GLIS3: variants seen among roughly 807,000 people sequenced by gnomAD.
GLIS3 encodes the protein GLIS family zinc finger 3.
GLIS3 carries 53 observed loss-of-function variants against 78.6 expected under a neutral mutation model. The observed-to-expected ratio is 0.67, with a 90% confidence interval of 0.54 to 0.85. GLIS3 has a LOEUF of 0.85. GLIS3 is among the 40% of genes least tolerant of loss of function. The probability of loss-of-function intolerance (pLI) is 0.00; values close to 1 mark genes in which losing one functional copy is unlikely to be tolerated. For synonymous variants in GLIS3, 684 were observed against 509.9 expected, an observed-to-expected ratio of 1.34 and a Z score of -4.60; for missense variants, 1,703 against 1,231.1, an observed-to-expected ratio of 1.38 and a Z score of -5.74.
At chr9:4,461,838 A>G in the GLIS3 span, among the ~76,000 whole-genome samples, 1 of 151,972 alleles carries the variant, frequency 6.6e-6, no homozygotes, top group African/African-American at 2.4e-5. Context: ...AGCATGAACA[A>G]GAGATAAAAG....
chr9:3,888,982 T>C (rs983256876), intron 7 of GLIS3, among the ~76,000 whole-genome samples: 2 of 152,196 alleles, frequency 1.3e-5, no homozygotes, highest in Non-Finnish European at 2.9e-5. Flanking sequence ...GTCCCTAAAG[T>C]TCAATATTTC....
chr9:3,967,237 C>T (rs758952864), intron 4 of GLIS3, among the ~76,000 whole-genome samples: 3 of 152,154 alleles, frequency 2.0e-5, no homozygotes, highest in Non-Finnish European at 2.9e-5. Context: ...GGCGTGGTGG[C>T]CCATGCCTGT....
Position 4,125,633 on chromosome 9 carries a change from A to T in GLIS3, c.596+101T>A, listed in dbSNP as rs376396966. The stretch of plus-strand genomic sequence containing the variant: ...AGTTGCTTGAGTGTGTAAGTGTATG[A>T]GTGTGTGTGTGTGTGTGTGTGTATT... On this transcript the variant is annotated intron_variant, in intron 3 of 10. Transcript: ENST00000381971. The T allele has an allele frequency of 4.5e-3, 3,462 of 772,104 alleles. 7 individuals carry two copies. The highest frequency in any genetic ancestry group is 0.013 in the African/African-American group (756 of 58,468). 47.8% of individuals were successfully genotyped at this position (772,104 alleles called of 1,614,324 possible).
chr9:4,236,184 C>CA lies in GLIS3; in HGVS notation c.388+49853dup, dbSNP rs59839951. ...CTAGGAAAACTTGACGTGGTTGTCA[C>CA]AAAAAAAAAAAAAAAAAAAAAAAGA... On this transcript the variant is annotated intron_variant, in intron 2 of 10. Transcript: ENST00000381971. Among the ~76,000 whole-genome samples, 470 of 84,300 alleles carry CA rather than the reference C, an allele frequency of 5.6e-3. 11 individuals are homozygous for CA. The highest frequency in any genetic ancestry group is 0.016 in the Middle Eastern group (2 of 128). 55.3% of individuals were successfully genotyped at this position (84,300 alleles called of 152,430 possible). A position where few individuals can be genotyped will look rare whatever the true frequency, so the allele number is the denominator to read the frequency against.
At chr9:3,895,867 C>T (rs953552697) in intron 7 of GLIS3, among the ~76,000 whole-genome samples, 1 of 152,202 alleles carries the variant, frequency 6.6e-6, no homozygotes, top group Admixed American at 6.5e-5. Flanking sequence ...TTAACTGCCT[C>T]CTATTCTATG....
At chr9:3,922,229 T>C (rs1824938613) in intron 6 of GLIS3, among the ~76,000 whole-genome samples, 3 of 152,264 alleles carry the variant, frequency 2.0e-5, no homozygotes, top group East Asian at 1.9e-4. Context: ...ATTAAAAATA[T>C]AGTTACTGTC....
At chr9:4,191,108 G>C (rs1303646376) in intron 2 of GLIS3, among the ~76,000 whole-genome samples, 1 of 150,734 alleles carries the variant, frequency 6.6e-6, no homozygotes, top group African/African-American at 2.4e-5. Context: ...ATCGAGACTA[G>C]GAAGAAACTG....
chr9:3,875,227 G>A (rs1011004438), intron 8 of GLIS3, among the ~76,000 whole-genome samples: 2 of 152,194 alleles, frequency 1.3e-5, no homozygotes, highest in Non-Finnish European at 2.9e-5. Flanking sequence ...CCCGTAATAA[G>A]TTAGATCAAC....
At chr9:4,337,020 T>C (rs1415142324) in intron 2 of GLIS3, among the ~76,000 whole-genome samples, 1 of 152,210 alleles carries the variant, frequency 6.6e-6, no homozygotes. Context: ...TACTAGTAAA[T>C]GTTTTTAAAT....
intron 4 of GLIS3, among the ~76,000 whole-genome samples, chr9:3,965,897 C>G (rs1326083714): frequency 1.3e-5 from 2 of 152,212 alleles, no homozygotes; most frequent in African/African-American, 4.8e-5. Context: ...ACTATAACCA[C>G]TGTGTAGGCA....
At chr9:4,314,027 A>G (rs1043005454) in intron 2 of GLIS3, among the ~76,000 whole-genome samples, 2 of 152,222 alleles carry the variant, frequency 1.3e-5, no homozygotes, top group Admixed American at 1.3e-4. Context: ...GTAGTTAGCC[A>G]TATTGCCTGA....
intron 4 of GLIS3, among the ~76,000 whole-genome samples, chr9:4,095,261 A>C (rs1013329352): frequency 2.0e-5 from 3 of 152,132 alleles, no homozygotes; most frequent in Non-Finnish European, 4.4e-5. Flanking sequence ...ACTTCTGGAC[A>C]TAAATGTTTT....
intron 2 of GLIS3, chr9:4,347,025 T>C (rs968283220): frequency 6.6e-6 from 1 of 152,112 alleles, no homozygotes; most frequent in Non-Finnish European, 1.5e-5. Context: ...TGTATTGCTA[T>C]AAAGAAATAT....
the GLIS3 span, among the ~76,000 whole-genome samples, chr9:4,406,786 G>C: frequency 6.6e-6 from 1 of 152,016 alleles, no homozygotes; most frequent in African/African-American, 2.4e-5. Context: ...ACTCATGAAA[G>C]AAATTGAAGA....
At chr9:4,136,237 G>C (rs1382592274) in intron 2 of GLIS3, among the ~76,000 whole-genome samples, 1 of 152,202 alleles carries the variant, frequency 6.6e-6, no homozygotes, top group African/African-American at 2.4e-5. Flanking sequence ...AATGTCGCTA[G>C]ACTGTACAGT....
At chr9:4,063,956 T>C (rs1826868547) in intron 4 of GLIS3, among the ~76,000 whole-genome samples, 1 of 152,170 alleles carries the variant, frequency 6.6e-6, no homozygotes, top group Admixed American at 6.5e-5. Context: ...AAATTTCCTG[T>C]TTAGCGAAAC....
At chr9:4,246,196 C>G (rs1321943101) in intron 2 of GLIS3, among the ~76,000 whole-genome samples, 1 of 152,072 alleles carries the variant, frequency 6.6e-6, no homozygotes, top group Admixed American at 6.6e-5. Flanking sequence ...CTGTCTCTAC[C>G]ACAAATACAA....
At chr9:3,866,706 G>A (rs898993219) in intron 8 of GLIS3, among the ~76,000 whole-genome samples, 23 of 152,286 alleles carry the variant, frequency 1.5e-4, no homozygotes, top group Middle Eastern at 6.8e-3. Context: ...ATTGACGATA[G>A]GTGAATTTAG....
At chr9:3,967,780 G>A (rs1457795083) in intron 4 of GLIS3, among the ~76,000 whole-genome samples, 1 of 152,100 alleles carries the variant, frequency 6.6e-6, no homozygotes, top group Non-Finnish European at 1.5e-5. Context: ...TTTTCTGTAA[G>A]GAAAATCATA....
Sources: gnomAD v4.1 joint callset for allele counts (sites outside exome capture counted in the v4.1 genomes callset) on GRCh38, gnomAD v4.1.1 for gene constraint, MANE v1.5 for transcripts, NCBI Gene and HGNC (gene_info 2026-07-23, HGNC 2026-07-21) for gene names.